SHISA9: variants seen among roughly 807,000 people sequenced by gnomAD.
SHISA9 encodes the protein protein shisa-9.
SHISA9 carries 13 observed loss-of-function variants against 38.0 expected under a neutral mutation model. The observed-to-expected ratio is 0.34, with a 90% CI of 0.22 to 0.54. The LOEUF (loss-of-function observed/expected upper bound fraction) is 0.54. Ranked by LOEUF, SHISA9 falls within the 20% of genes least tolerant of loss-of-function variation. The pLI, the probability that SHISA9 is intolerant of heterozygous loss-of-function variation, is 0.91. For missense variants in SHISA9, 538 were observed against 575.8 expected (o/e 0.93, Z 0.67); for synonymous variants, 275 against 242.0 (o/e 1.14, Z -1.27).
At chr16:13,073,619 G>C (rs1231086691) in intron 2 of SHISA9, among the ~76,000 whole-genome samples, 1 of 152,138 alleles carries the variant, frequency 6.6e-6, no homozygotes, top group African/African-American at 2.4e-5. Context: ...TGTCCATCTA[G>C]AACCTGTGGC....
chr16:13,530,413 A>T, the SHISA9 span, among the ~76,000 whole-genome samples: 5 of 152,298 alleles, frequency 3.3e-5, no homozygotes, highest in Admixed American at 3.3e-4. Context: ...TGAGATGATT[A>T]TAACTTCTGT....
chr16:13,109,864 A>G (rs1346686941), intron 2 of SHISA9, among the ~76,000 whole-genome samples: 1 of 152,204 alleles, frequency 6.6e-6, no homozygotes, highest in Non-Finnish European at 1.5e-5. Flanking sequence ...ATTGCTGCAT[A>G]ATATTCCATC....
At chr16:13,410,267 T>C in the SHISA9 span, among the ~76,000 whole-genome samples, 1 of 152,210 alleles carries the variant, frequency 6.6e-6, no homozygotes, top group Non-Finnish European at 1.5e-5. Flanking sequence ...AATATCTCTA[T>C]AATTGCAGTG....
chr16:13,278,853 T>G, the SHISA9 span, among the ~76,000 whole-genome samples: 1 of 152,086 alleles, frequency 6.6e-6, no homozygotes, highest in Non-Finnish European at 1.5e-5. Context: ...TTATTCATTT[T>G]TTCAAAGAAC....
the SHISA9 span, among the ~76,000 whole-genome samples, chr16:13,355,213 G>T: frequency 0.028 from 4,194 of 149,562 alleles, 96 homozygotes; most frequent in African/African-American, 0.061. Flanking sequence ...TAAAATGGGG[G>T]AATTGTAAGG....
At chr16:13,414,762 G>A in the SHISA9 span, among the ~76,000 whole-genome samples, 1 of 150,458 alleles carries the variant, frequency 6.6e-6, no homozygotes, top group East Asian at 2.0e-4. Flanking sequence ...CTCCCTAGTA[G>A]CTGGGATTAC....
At chr16:12,908,726 A>T in intron 1 of SHISA9, 2 of 1,457,068 alleles carry the variant, frequency 1.4e-6, no homozygotes, top group Non-Finnish European at 1.8e-6. Flanking sequence ...CTACCGTAAG[A>T]TGAAGTCTAG....
intron 2 of SHISA9, among the ~76,000 whole-genome samples, chr16:12,988,570 G>A: frequency 6.6e-6 from 1 of 152,172 alleles, no homozygotes; most frequent in Non-Finnish European, 1.5e-5. Context: ...TGTCACCAAG[G>A]CTGGAGTGCA....
At chr16:13,361,235 G>A in the SHISA9 span, among the ~76,000 whole-genome samples, 1 of 152,102 alleles carries the variant, frequency 6.6e-6, no homozygotes, top group Non-Finnish European at 1.5e-5. Context: ...AGGGGAATGG[G>A]GTTGCTCGCT....
the SHISA9 span, among the ~76,000 whole-genome samples, chr16:13,501,552 C>T: frequency 1.3e-5 from 2 of 152,174 alleles, no homozygotes; most frequent in Non-Finnish European, 2.9e-5. Flanking sequence ...CAATATTCTC[C>T]ATTTGTAATT....
chr16:12,968,431 A>G (rs2072010367), intron 2 of SHISA9, among the ~76,000 whole-genome samples: 1 of 152,166 alleles, frequency 6.6e-6, no homozygotes, highest in African/African-American at 2.4e-5. Context: ...AGTAATTACA[A>G]TGAATGAACT....
At chr16:13,314,499 C>T in the SHISA9 span, among the ~76,000 whole-genome samples, 4 of 152,132 alleles carry the variant, frequency 2.6e-5, no homozygotes, top group Non-Finnish European at 4.4e-5. Context: ...CTCGGTCTCT[C>T]AAAGTGCTGG....
At chr16:13,313,751 C>CA in the SHISA9 span, among the ~76,000 whole-genome samples, 5 of 152,068 alleles carry the variant, frequency 3.3e-5, no homozygotes, top group South Asian at 1.0e-3. Flanking sequence ...AGAAAATAAG[C>CA]AAAATGCTAT....
At chr16:13,343,199 A>G in the SHISA9 span, among the ~76,000 whole-genome samples, 1 of 151,928 alleles carries the variant, frequency 6.6e-6, no homozygotes, top group East Asian at 1.9e-4. Context: ...TCAGATGAAA[A>G]CTCTGTAATG....
At chr16:13,469,489 G>A in the SHISA9 span, among the ~76,000 whole-genome samples, 1 of 152,074 alleles carries the variant, frequency 6.6e-6, no homozygotes, top group Non-Finnish European at 1.5e-5. Context: ...TATGTGGGGT[G>A]GGCACAACCT....
chr16:13,359,736 G>T, the SHISA9 span, among the ~76,000 whole-genome samples: 1 of 152,158 alleles, frequency 6.6e-6, no homozygotes, highest in Non-Finnish European at 1.5e-5. Context: ...TTTTCTAGCA[G>T]ATGCGGTTGG....
chr16:13,465,820 A>G, the SHISA9 span, among the ~76,000 whole-genome samples: 1 of 152,236 alleles, frequency 6.6e-6, no homozygotes, highest in Non-Finnish European at 1.5e-5. Context: ...ACTATGGCCA[A>G]TGGGTCAAAT....
the SHISA9 span, among the ~76,000 whole-genome samples, chr16:13,525,616 A>G: frequency 1.3e-5 from 2 of 152,236 alleles, no homozygotes. Flanking sequence ...TGAAATTAAT[A>G]CTTCTTTAAA....
At chr16:13,191,442 C>T (rs1267058704) in intron 2 of SHISA9, among the ~76,000 whole-genome samples, 1 of 152,164 alleles carries the variant, frequency 6.6e-6, no homozygotes, top group African/African-American at 2.4e-5. Flanking sequence ...CAATTGGAGG[C>T]AATCAAGCAA....
Sources: allele counts gnomAD v4.1 joint callset (sites outside exome capture counted in the v4.1 genomes callset), GRCh38; gene constraint gnomAD v4.1.1; transcripts MANE v1.5; gene names NCBI Gene and HGNC (gene_info 2026-07-23, HGNC 2026-07-21).